Variants in CDR2 observed in about 807,000 individuals in gnomAD.
The protein encoded by CDR2 is cerebellar degeneration related protein 2, also known as cerebellar degeneration-related protein 2.
Under a neutral mutation model 48.4 loss-of-function variants are expected in CDR2, and 34 were observed. The ratio of observed to expected loss-of-function variants is 0.70; its 90% CI spans 0.53 to 0.94. CDR2 has a LOEUF of 0.94. CDR2 is among the 40% of genes least tolerant of loss of function. The pLI, the probability that CDR2 is intolerant of heterozygous loss-of-function variation, is 0.00. For synonymous variants in CDR2, 240 were observed against 219.7 expected, an observed-to-expected ratio of 1.09 and a Z score of -0.82; for missense variants, 498 against 549.5, an observed-to-expected ratio of 0.91 and a Z score of 0.94.
Position 22,374,347 on chromosome 16 carries a change from C to T in CDR2, c.-38G>A. ...TTCTAGGGGCAGCGGCCCCCGCCGC[C>T]GTCCCGCCTCAGCCGCTGCCCCGGG... On this transcript the variant is annotated 5_prime_UTR_variant, in exon 1 of 5. Transcript: ENST00000268383. 1.4e-6 allele frequency: 2 copies of T among 1,457,676 alleles called. No individual in the cohort carries two copies. Among genetic ancestry groups the T allele is most frequent in the South Asian group, 1.2e-5 (1 of 85,238 alleles). 90.3% of individuals were successfully genotyped at this position (1,457,676 alleles called of 1,614,324 possible). A position where few individuals can be genotyped will look rare whatever the true frequency, so the allele number is the denominator to read the frequency against.
At chr16:22,348,760 T>C (rs941614629) in intron 4 of CDR2, among the ~76,000 whole-genome samples, 1 of 152,216 alleles carries the variant, frequency 6.6e-6, no homozygotes, top group Non-Finnish European at 1.5e-5. Context: ...TGACTATTTA[T>C]TTGTGTTTTT....
intron 1 of CDR2, among the ~76,000 whole-genome samples, chr16:22,365,685 C>T (rs902036105): frequency 6.6e-6 from 1 of 152,158 alleles, no homozygotes; most frequent in Non-Finnish European, 1.5e-5. Context: ...TTTTTCAACT[C>T]TCTCTATTCT....
chr16:22,351,335 C>T (rs2048940700), intron 2 of CDR2, among the ~76,000 whole-genome samples: 3 of 152,082 alleles, frequency 2.0e-5, no homozygotes, highest in African/African-American at 4.8e-5. Flanking sequence ...CGTGTGCATG[C>T]GTCTTTATAG....
chr16:22,353,456 TA>T (rs1419044810), intron 2 of CDR2, among the ~76,000 whole-genome samples: 1 of 152,198 alleles, frequency 6.6e-6, no homozygotes, highest in African/African-American at 2.4e-5. Flanking sequence ...CATAAGGCTG[TA>T]AAGATAAATA....
At chr16:22,349,480 T>C (rs746990301) in intron 3 of CDR2, 37 bp from the exon 4 acceptor site, 13 of 1,611,644 alleles carry the variant, frequency 8.1e-6, no homozygotes, top group Non-Finnish European at 6.8e-6. Flanking sequence ...CTGCTTGTCA[T>C]ATTGAATCAA....
intron 2 of CDR2, among the ~76,000 whole-genome samples, chr16:22,352,644 G>A (rs1003850650): frequency 6.6e-6 from 1 of 152,032 alleles, no homozygotes; most frequent in Non-Finnish European, 1.5e-5. Context: ...ATCAGTTCAG[G>A]TAAAGATCTA....
intron 2 of CDR2, among the ~76,000 whole-genome samples, chr16:22,355,675 A>G (rs933066857): frequency 1.3e-5 from 2 of 152,224 alleles, no homozygotes; most frequent in African/African-American, 4.8e-5. Flanking sequence ...AAATTAGAAG[A>G]GATAATAGCC....
At chr16:22,364,647 G>A (rs2049032967) in intron 2 of CDR2, among the ~76,000 whole-genome samples, 2 of 152,164 alleles carry the variant, frequency 1.3e-5, no homozygotes, top group Non-Finnish European at 2.9e-5. Flanking sequence ...TGGATCATCT[G>A]AGGACAGGAG....
At chr16:22,348,329 T>C (rs554365546) in intron 4 of CDR2, among the ~76,000 whole-genome samples, 1 of 152,260 alleles carries the variant, frequency 6.6e-6, no homozygotes, top group Admixed American at 6.5e-5. Flanking sequence ...AACTCAATTT[T>C]TGTGACAAAT....
At chr16:22,349,123 G>A (rs1432903920) in intron 4 of CDR2, 156 bp downstream of exon 4, 6 of 722,908 alleles carry the variant, frequency 8.3e-6, no homozygotes, top group Non-Finnish European at 1.4e-5. Flanking sequence ...TAAGAACTCT[G>A]TAATTTATAT....
chr16:22,359,096 C>A (rs970123263), intron 2 of CDR2, among the ~76,000 whole-genome samples: 1 of 152,006 alleles, frequency 6.6e-6, no homozygotes, highest in Non-Finnish European at 1.5e-5. Context: ...GTTATATATC[C>A]ATACAAATTT....
chr16:22,373,270 A>C (rs2049090637), intron 1 of CDR2, among the ~76,000 whole-genome samples: 1 of 152,242 alleles, frequency 6.6e-6, no homozygotes, highest in African/African-American at 2.4e-5. Flanking sequence ...CTCTGGAGAC[A>C]CCATCGGCAG....
intron 2 of CDR2, among the ~76,000 whole-genome samples, chr16:22,362,754 A>G (rs1047711276): frequency 1.3e-5 from 2 of 152,200 alleles, no homozygotes; most frequent in African/African-American, 4.8e-5. Flanking sequence ...CTAGTTTAAT[A>G]GTTTTGTTTT....
At chr16:22,350,916 T>A (rs2048937682) in intron 2 of CDR2, among the ~76,000 whole-genome samples, 1 of 152,204 alleles carries the variant, frequency 6.6e-6, no homozygotes, top group South Asian at 2.1e-4. Flanking sequence ...CTAGGGTACA[T>A]GTGCACAATG....
chr16:22,364,380 ATTT>A (rs930617689), intron 2 of CDR2, among the ~76,000 whole-genome samples: 1 of 149,244 alleles, frequency 6.7e-6, no homozygotes, highest in African/African-American at 2.5e-5. Context: ...AGGAACTATG[ATTT>A]TTTTTTTTCA....
In CDR2 at chr16:22,374,189, G is replaced by A. The variant is rs770250467; in HGVS notation, c.79+42C>T. ...AACAGTTTCGCAGCGGGGGCCTCCC[G>A]GGCCAGGCCGCCGCCCGCCCGCGGG... On this transcript the variant is annotated intron_variant, in intron 1 of 4. Coordinates refer to ENST00000268383, the MANE Select transcript of CDR2 (RefSeq NM_001802.2). 1.2e-5 allele frequency: 17 copies of A among 1,381,438 alleles called. No homozygotes were observed. The African/African-American group carries it at 1.8e-4, about 15-fold the overall frequency. The allele number at this position is 1,381,438 out of a possible 1,614,324, so 85.6% of individuals were successfully genotyped here.
chr16:22,353,859 ATC>A (rs2048957828), intron 2 of CDR2, among the ~76,000 whole-genome samples: 2 of 152,190 alleles, frequency 1.3e-5, no homozygotes, highest in Non-Finnish European at 2.9e-5. Flanking sequence ...TCTCTTGTTA[ATC>A]TGTCTTTTGT....
In CDR2 at chr16:22,345,990, G is replaced by A. The variant is rs1310606670; in HGVS notation, c.*975C>T. On this transcript the variant is annotated 3_prime_UTR_variant, in exon 5 of 5. Coordinates refer to ENST00000268383, the MANE Select transcript of CDR2 (RefSeq NM_001802.2). The stretch of plus-strand genomic sequence containing the variant: ...TTTAGAAAAATATATACAATAATCG[G>A]AACATCAGTTCTTAAATAGTTTTAA... The A allele has an allele frequency of 6.6e-6, 1 of 152,614 alleles. No homozygotes were observed. The highest frequency in any genetic ancestry group is 1.5e-5 in the Non-Finnish European group (1 of 68,042). The allele number at this position is 152,614 out of a possible 1,614,324, so 9.5% of individuals were successfully genotyped here.
intron 2 of CDR2, among the ~76,000 whole-genome samples, chr16:22,350,614 TAAGAA>T (rs1305391602): frequency 6.6e-6 from 1 of 152,184 alleles, no homozygotes; most frequent in Non-Finnish European, 1.5e-5. Context: ...ATGTTTATTT[TAAGAA>T]AAGAAGAAAT....
Sources: gnomAD v4.1 joint callset for allele counts (sites outside exome capture counted in the v4.1 genomes callset) on GRCh38, gnomAD v4.1.1 for gene constraint, MANE v1.5 for transcripts, NCBI Gene and HGNC (gene_info 2026-07-23, HGNC 2026-07-21) for gene names.